Variants in ERC1 observed in about 807,000 individuals in gnomAD.
The protein encoded by ERC1 is RAB6 interacting protein 2.
Under a neutral mutation model 132.0 loss-of-function variants are expected in ERC1, and 56 were observed. That is an observed-to-expected ratio of 0.42 (90% CI 0.34 to 0.53). ERC1 has a LOEUF of 0.53. Ranked by LOEUF, ERC1 falls within the 20% of genes least tolerant of loss-of-function variation. ERC1 has a pLI of 0.03. For missense variants in ERC1, 1,202 were observed against 1,349.9 expected, an observed-to-expected ratio of 0.89 and a Z score of 1.72; for synonymous variants, 478 against 476.1, an observed-to-expected ratio of 1.00 and a Z score of -0.05.
chr12:1,460,655 T>C (rs1456221562), intron 18 of ERC1, among the ~76,000 whole-genome samples: 2 of 152,040 alleles, frequency 1.3e-5, no homozygotes, highest in Admixed American at 1.3e-4. Context: ...GAGAAGCTAC[T>C]CAGTTGGGTT....
Position 1,490,280 on chromosome 12 carries a change from G to A in ERC1, c.*50G>A. 6.3e-7 allele frequency: 1 copy of A among 1,582,188 alleles called. No homozygotes were observed. On this transcript the variant is annotated 3_prime_UTR_variant, in exon 19 of 19. Coordinates refer to ENST00000360905, the MANE Select transcript of ERC1 (RefSeq NM_178040.4). ...GTAGTCAACCCAGGAGCCAAGAAAA[G>A]AGAACTACGAGGAACAGGTGCCCGG...
intron 8 of ERC1, chr12:1,153,032 G>A (rs1003432856): frequency 6.6e-6 from 1 of 152,262 alleles, no homozygotes; most frequent in African/African-American, 2.4e-5. Flanking sequence ...CCTGGAGGAT[G>A]TCTTCCATTG....
At chr12:1,210,514 A>C (rs376950888) in intron 12 of ERC1, among the ~76,000 whole-genome samples, 3 of 152,148 alleles carry the variant, frequency 2.0e-5, no homozygotes, top group African/African-American at 7.2e-5. Flanking sequence ...TTCTTTTTGC[A>C]AGCAGATCTC....
At chr12:1,162,245 G>A (rs998749444) in intron 8 of ERC1, among the ~76,000 whole-genome samples, 21 of 152,292 alleles carry the variant, frequency 1.4e-4, no homozygotes, top group African/African-American at 5.1e-4. Flanking sequence ...AAGTAGTTCT[G>A]TGTTACAGTA....
intron 8 of ERC1, among the ~76,000 whole-genome samples, chr12:1,175,428 A>G (rs1021675003): frequency 1.2e-4 from 18 of 151,010 alleles, no homozygotes; most frequent in African/African-American, 2.9e-4. Context: ...CATTTCAGCA[A>G]TGTTCACATC....
At position 1,155,637 on chromosome 12, in the gene ERC1, C is replaced by T. The variant is rs147547782; in HGVS notation, c.1737+13850C>T. On this transcript the variant is annotated intron_variant, in intron 8 of 18. Coordinates refer to ENST00000360905, the MANE Select transcript of ERC1 (RefSeq NM_178040.4). Reference sequence around the variant, plus strand: ...GACCACAGGCACGTGCCACCACGCCCGGCTAATTTTTTGTATTTTTAGTAG... The same window carrying T: ...GACCACAGGCACGTGCCACCACGCCTGGCTAATTTTTTGTATTTTTAGTAG... 9.6e-3 allele frequency among the ~76,000 whole-genome samples: 1,462 copies of T among 152,130 alleles called. 17 individuals are homozygous for T. Among genetic ancestry groups the T allele is most frequent in the South Asian group, 0.018 (88 of 4,812 alleles).
chr12:1,445,482 T>C (rs113941146), intron 18 of ERC1, among the ~76,000 whole-genome samples: 6,485 of 152,058 alleles, frequency 0.043, 464 homozygotes, highest in African/African-American at 0.15. Context: ...CCTCCCACCT[T>C]GGCCTCCCAA....
chr12:1,092,001 CTT>C (rs34377863), intron 3 of ERC1, among the ~76,000 whole-genome samples: 141 of 138,060 alleles, frequency 1.0e-3, no homozygotes, highest in Admixed American at 9.5e-4. Context: ...TTAATCAATT[CTT>C]TTTTTTTTTT....
intron 12 of ERC1, among the ~76,000 whole-genome samples, chr12:1,220,004 G>C (rs4766249): frequency 6.6e-6 from 1 of 151,848 alleles, no homozygotes; most frequent in Non-Finnish European, 1.5e-5. Context: ...TGCCACCCCT[G>C]TAACCCCACC....
chr12:1,014,045 G>T (rs1965121530), intron 1 of ERC1, among the ~76,000 whole-genome samples: 1 of 150,010 alleles, frequency 6.7e-6, no homozygotes, highest in Admixed American at 6.7e-5. Context: ...TAAACTTCCT[G>T]CTACTTACAG....
At chr12:1,329,437 C>T (rs1372540955) in intron 15 of ERC1, among the ~76,000 whole-genome samples, 3 of 119,660 alleles carry the variant, frequency 2.5e-5, no homozygotes, top group Non-Finnish European at 5.2e-5. Context: ...GACCTTCTAT[C>T]CCTATTTGGG....
intron 4 of ERC1, among the ~76,000 whole-genome samples, chr12:1,105,040 ACAGAATTTCTTTAAATCAGCTATTCG>A (rs1160915092): frequency 6.6e-6 from 1 of 152,218 alleles, no homozygotes; most frequent in African/African-American, 2.4e-5. Flanking sequence ...AAAGAGTTGA[ACAGAATTTCTTTAAATCAGCTATTCG>A]CAGATGTCTT....
chr12:1,433,978 C>CAAAAAAA, intron 17 of ERC1, among the ~76,000 whole-genome samples: 1 of 46,298 alleles, frequency 2.2e-5, no homozygotes, highest in Non-Finnish European at 4.8e-5. Flanking sequence ...GACCCTGTCT[C>CAAAAAAA]AAAAAAAAAA....
chr12:1,354,884 C>T (rs534474791), intron 15 of ERC1, among the ~76,000 whole-genome samples: 5 of 152,172 alleles, frequency 3.3e-5, no homozygotes, highest in East Asian at 1.9e-4. Flanking sequence ...TCAGGTGATC[C>T]GCCCACCTCA....
At chr12:1,155,871 AAAT>A (rs976259386) in intron 8 of ERC1, among the ~76,000 whole-genome samples, 26 of 150,324 alleles carry the variant, frequency 1.7e-4, no homozygotes, top group South Asian at 1.2e-3. Context: ...GGTAAAAAAA[AAAT>A]AAATAAATAA....
At chr12:1,199,142 A>G (rs533750405) in intron 12 of ERC1, among the ~76,000 whole-genome samples, 101 of 143,992 alleles carry the variant, frequency 7.0e-4, no homozygotes, top group Admixed American at 2.0e-3. Context: ...GGTGGGGACA[A>G]ACCACCGTCA....
chr12:1,351,101 T>G (rs2084953831), intron 15 of ERC1, among the ~76,000 whole-genome samples: 1 of 152,134 alleles, frequency 6.6e-6, no homozygotes, highest in African/African-American at 2.4e-5. Flanking sequence ...GGAATCAAAT[T>G]TCAACATGAG....
At chr12:1,418,607 CTTTCTTTCT>C (rs1565395424) in intron 17 of ERC1, among the ~76,000 whole-genome samples, 1 of 98,854 alleles carries the variant, frequency 1.0e-5, no homozygotes, top group Non-Finnish European at 1.9e-5. Context: ...TTCTTTCTTT[CTTTCTTTCT>C]TTCTTTCTTT....
At chr12:1,053,733 TTAAGA>T (rs1972445357) in intron 2 of ERC1, among the ~76,000 whole-genome samples, 1 of 152,228 alleles carries the variant, frequency 6.6e-6, no homozygotes, top group African/African-American at 2.4e-5. Flanking sequence ...TAACTAAACT[TTAAGA>T]AAAGAGTCCT....
Sources: gnomAD v4.1 joint callset for allele counts (sites outside exome capture counted in the v4.1 genomes callset) on GRCh38, gnomAD v4.1.1 for gene constraint, MANE v1.5 for transcripts, NCBI Gene and HGNC (gene_info 2026-07-23, HGNC 2026-07-21) for gene names.